The following PCDHA6 variants were observed in gnomAD, a reference collection of about 807,000 sequenced individuals.
PCDHA6 encodes the protein protocadherin alpha 6.
A neutral mutation model predicts 60.3 loss-of-function variants in PCDHA6; 55 were observed. The ratio of observed to expected loss-of-function variants is 0.91; its 90% CI spans 0.73 to 1.14. The LOEUF is 1.14. Ranked by LOEUF, PCDHA6 falls within the 50% of genes most tolerant of loss-of-function variation. The probability of loss-of-function intolerance (pLI) is 0.00; values close to 1 mark genes in which losing one functional copy is unlikely to be tolerated. For synonymous variants in PCDHA6, 652 were observed against 557.9 expected (o/e 1.17, Z -2.38); for missense variants, 1,327 against 1,256.5 (o/e 1.06, Z -0.85).
rs1554140693 is a variant in PCDHA6, at chr5:140,844,620, C to G, written c.2394+14135C>G. On this transcript the variant is annotated intron_variant, in intron 1 of 3. Coordinates refer to ENST00000529310, the MANE Select transcript of PCDHA6 (RefSeq NM_018909.4). Reference sequence around the variant, plus strand: ...ATATGACTTAGAAAAATGTTTTCATCAGAAAAACTATACATGATAATTTCA... The same window carrying G: ...ATATGACTTAGAAAAATGTTTTCATGAGAAAAACTATACATGATAATTTCA... Among the ~76,000 whole-genome samples, 3 of 149,238 alleles carry G rather than the reference C, an allele frequency of 2.0e-5. 1 individual carries two copies. Among genetic ancestry groups the G allele is most frequent in the Non-Finnish European group, 3.0e-5 (2 of 66,778 alleles).
At chr5:140,972,091 C>G (rs1169233514) in intron 1 of PCDHA6, among the ~76,000 whole-genome samples, 3 of 152,164 alleles carry the variant, frequency 2.0e-5, no homozygotes, top group African/African-American at 4.8e-5. Context: ...AGAGTAATTT[C>G]TGGCATAGAA....
intron 1 of PCDHA6, chr5:140,830,847 A>G (rs1474547924): frequency 6.5e-6 from 1 of 153,834 alleles, no homozygotes; most frequent in Non-Finnish European, 1.4e-5. Context: ...TTTTACATAT[A>G]CTCTTTTTTG....
At chr5:140,944,241 G>A (rs2093630107) in intron 1 of PCDHA6, among the ~76,000 whole-genome samples, 1 of 152,196 alleles carries the variant, frequency 6.6e-6, no homozygotes, top group African/African-American at 2.4e-5. Context: ...AGGCTGGAGT[G>A]CAGTGATGTG....
At chr5:140,836,382 G>T in intron 1 of PCDHA6, 1 of 1,613,752 alleles carries the variant, frequency 6.2e-7, no homozygotes, top group Non-Finnish European at 8.5e-7. Flanking sequence ...CACCGTGCTG[G>T]TGTCGCTGGT....
chr5:140,930,769 T>G (rs1373924244), intron 1 of PCDHA6, among the ~76,000 whole-genome samples: 2 of 152,214 alleles, frequency 1.3e-5, no homozygotes, highest in Non-Finnish European at 2.9e-5. Context: ...TTTTCTGTAC[T>G]TAATATTTTC....
intron 1 of PCDHA6, chr5:140,865,372 A>G (rs2048845131): frequency 6.6e-6 from 1 of 152,208 alleles, no homozygotes; most frequent in Non-Finnish European, 1.5e-5. Flanking sequence ...TAACCATGTT[A>G]TAGGTAGGGT....
chr5:141,006,769 A>G (rs575481848), intron 3 of PCDHA6, among the ~76,000 whole-genome samples: 1 of 152,208 alleles, frequency 6.6e-6, no homozygotes, highest in Non-Finnish European at 1.5e-5. Flanking sequence ...AGAATAGAAT[A>G]GAGAAAAATG....
chr5:140,842,743 C>T lies in PCDHA6; in HGVS notation c.2394+12258C>T, dbSNP rs140156445. On this transcript the variant is annotated intron_variant, in intron 1 of 3. Transcript: ENST00000529310. ...AGAACAACCCGCCGGGCTGCCACATCTTCACGGTGTCTGCGCGAGACGCGG... is the reference window on the plus strand; with the variant it reads ...AGAACAACCCGCCGGGCTGCCACATTTTCACGGTGTCTGCGCGAGACGCGG... The T allele has an allele frequency of 1.0e-5, 16 of 1,595,026 alleles. No homozygotes were observed. The African/African-American group carries it at 1.9e-4, about 19-fold the overall frequency.
At chr5:140,841,948 C>T (rs1777604440) in intron 1 of PCDHA6, 1 of 1,613,804 alleles carries the variant, frequency 6.2e-7, no homozygotes, top group Non-Finnish European at 8.5e-7. Flanking sequence ...CTGCGCACCA[C>T]TTATTCCTGA....
At chr5:140,946,631 T>TATATATATATACACACAC (rs57893927) in intron 1 of PCDHA6, among the ~76,000 whole-genome samples, 1 of 131,846 alleles carries the variant, frequency 7.6e-6, no homozygotes, top group East Asian at 2.0e-4. Context: ...TATATATATA[T>TATATATATATACACACAC]ACAATGGAAT....
intron 1 of PCDHA6, chr5:140,882,945 T>C (rs1554176195): frequency 6.2e-7 from 1 of 1,614,194 alleles, no homozygotes; most frequent in Non-Finnish European, 8.5e-7. Flanking sequence ...ACTGGCACAG[T>C]TCAGCTGCTC....
intron 1 of PCDHA6, among the ~76,000 whole-genome samples, chr5:140,838,461 T>C (rs2150289673): frequency 4.0e-5 from 6 of 151,692 alleles, no homozygotes; most frequent in Non-Finnish European, 7.4e-5. Context: ...ATTATTTCAT[T>C]AGCGCTTATT....
At chr5:140,965,703 G>T (rs1280783019) in intron 1 of PCDHA6, among the ~76,000 whole-genome samples, 1 of 152,178 alleles carries the variant, frequency 6.6e-6, no homozygotes, top group Non-Finnish European at 1.5e-5. Flanking sequence ...GAAAAAGCTT[G>T]AGAGAAGAAT....
intron 1 of PCDHA6, among the ~76,000 whole-genome samples, chr5:140,950,786 T>A (rs890329662): frequency 6.6e-6 from 1 of 152,140 alleles, no homozygotes; most frequent in Non-Finnish European, 1.5e-5. Context: ...TGGTACTTTT[T>A]AAATATTGTC....
intron 1 of PCDHA6, chr5:140,928,776 T>C (rs2085518837): frequency 6.2e-7 from 1 of 1,614,044 alleles, no homozygotes; most frequent in East Asian, 2.2e-5. Flanking sequence ...TTCCCACTGA[T>C]GCAGTTAAGC....
chr5:141,006,567 C>T (rs2098278386), intron 3 of PCDHA6, among the ~76,000 whole-genome samples: 1 of 152,030 alleles, frequency 6.6e-6, no homozygotes, highest in Admixed American at 6.6e-5. Flanking sequence ...ACTCTGGCTA[C>T]TGTGTGGAGG....
intron 1 of PCDHA6, chr5:140,835,893 C>T: frequency 2.5e-6 from 4 of 1,612,040 alleles, no homozygotes; most frequent in Middle Eastern, 2.0e-4. Flanking sequence ...CGAGCGCGCG[C>T]TGTCGAGCTA....
At chr5:140,973,088 A>G (rs2096571573) in intron 1 of PCDHA6, among the ~76,000 whole-genome samples, 4 of 152,204 alleles carry the variant, frequency 2.6e-5, no homozygotes, top group African/African-American at 7.2e-5. Flanking sequence ...CTGGCACAAC[A>G]TGTAGAAATT....
chr5:141,000,419 A>ATTTTT (rs1563652468), intron 3 of PCDHA6, among the ~76,000 whole-genome samples: 15 of 60,994 alleles, frequency 2.5e-4, no homozygotes, highest in East Asian at 5.4e-4. Flanking sequence ...ATATATATAT[A>ATTTTT]TATTTTTTTT....
Sources: gnomAD v4.1 joint callset for allele counts (sites outside exome capture counted in the v4.1 genomes callset) on GRCh38, gnomAD v4.1.1 for gene constraint, MANE v1.5 for transcripts, NCBI Gene and HGNC (gene_info 2026-07-23, HGNC 2026-07-21) for gene names.